STXBP2: variants seen among roughly 807,000 people sequenced by gnomAD.
STXBP2 encodes the protein syntaxin-binding protein 2.
In STXBP2, 47 loss-of-function variants were observed where a neutral mutation model predicts 72.2. That is an observed-to-expected ratio of 0.65 (90% CI 0.51 to 0.83). The LOEUF is 0.83. Among genes scored for constraint, STXBP2 ranks in the 40% least tolerant of loss-of-function variants. The pLI is 0.00. For missense variants in STXBP2, 702 were observed against 807.6 expected (o/e 0.87, Z 1.58); for synonymous variants, 367 against 338.7 (o/e 1.08, Z -0.92).
At chr19:7,646,949 A>C in intron 16 of STXBP2, 2 of 596,492 alleles carry the variant, frequency 3.4e-6, no homozygotes, top group East Asian at 2.8e-5. Flanking sequence ...GAGTTATGGA[A>C]TTAGATTCGT....
chr19:7,637,058 G>C, upstream of STXBP2: 2 of 1,210,796 alleles, frequency 1.7e-6, no homozygotes, highest in Middle Eastern at 3.2e-4. Flanking sequence ...CGGGGACAGG[G>C]CCCGCGGGGC....
chr19:7,646,061 C>T, intron 15 of STXBP2, 188 bp from the exon 16 acceptor site: 2 of 606,538 alleles, frequency 3.3e-6, no homozygotes, highest in Non-Finnish European at 5.9e-6. Flanking sequence ...CTTTCTCTCT[C>T]CGTCTCTCTC....
the STXBP2 span, chr19:7,629,810 G>GC: frequency 1.2e-5 from 18 of 1,536,830 alleles, no homozygotes; most frequent in Non-Finnish European, 1.5e-5. Context: ...GGCGGAACTG[G>GC]CTTTGTTGAC....
the STXBP2 span, chr19:7,631,580 C>T: frequency 6.6e-7 from 1 of 1,521,784 alleles, no homozygotes; most frequent in Non-Finnish European, 8.8e-7. Flanking sequence ...GAGTCCTAGC[C>T]CCTCCCCTGA....
chr19:7,635,359 A>G (rs991216060), upstream of STXBP2, among the ~76,000 whole-genome samples: 2 of 152,242 alleles, frequency 1.3e-5, no homozygotes, highest in Non-Finnish European at 2.9e-5. Flanking sequence ...TAGGTCAGCG[A>G]GTTGTATGGT....
chr19:7,647,619 G>C (rs1203010154), intron 18 of STXBP2, 106 bp from the exon 19 acceptor site: 7 of 1,599,000 alleles, frequency 4.4e-6, no homozygotes, highest in Non-Finnish European at 5.1e-6. Flanking sequence ...CAGGGACCTG[G>C]TTTGCTGAGG....
At chr19:7,632,628 C>T (rs1283091897), upstream of STXBP2, 29 of 1,579,948 alleles carry the variant, frequency 1.8e-5, no homozygotes, top group Admixed American at 1.6e-4. This position sits in a 1 kb window ranked among gnomAD's most constrained non-coding sequence, Gnocchi z 5.2. Flanking sequence ...TCCCACATCC[C>T]GTGCCCCCAG....
At position 7,643,292 on chromosome 19, in the gene STXBP2, G is replaced by A. The variant is rs375145707; in HGVS notation, c.1107+47G>A. On this transcript the variant is annotated intron_variant, in intron 13 of 18. Coordinates refer to ENST00000221283, the MANE Select transcript of STXBP2 (RefSeq NM_006949.4). The stretch of plus-strand genomic sequence containing the variant: ...GCAGGGGTGATGGTCCTGCCAAGGC[G>A]GGGTATTGGGGAGGGGCTGAACTGT... 7.5e-5 allele frequency: 120 copies of A among 1,590,716 alleles called. 1 individual carries two copies. The highest frequency in any genetic ancestry group is 9.0e-5 in the East Asian group (4 of 44,350).
At position 7,643,049 on chromosome 19, in the gene STXBP2, G is replaced by T; in HGVS notation, c.1026+1G>T. On this transcript the variant is annotated splice_donor_variant, in intron 12 of 18. Coordinates refer to ENST00000221283, the MANE Select transcript of STXBP2 (RefSeq NM_006949.4). LOFTEE classifies it high-confidence loss of function. ...GCAGTACCAGAAGGAGCTGAATAAG[G>T]TGTGCTCGGGTGGGCAGGGAGCGGG... 6.2e-7 allele frequency: 1 copy of T among 1,614,184 alleles called. No individual in the cohort carries two copies. Among genetic ancestry groups the T allele is most frequent in the Non-Finnish European group, 8.5e-7 (1 of 1,180,034 alleles).
chr19:7,631,772 G>A, the STXBP2 span: 3 of 1,419,058 alleles, frequency 2.1e-6, no homozygotes, highest in Non-Finnish European at 2.8e-6. Context: ...AGCAGGGGTT[G>A]GGGACTGAGG....
rs141337013 is a variant in STXBP2, at chr19:7,646,819, G to A, written c.1453-343G>A. ...GACTTCTGGGGCTCTGAGGGGCTGA[G>A]AGCCCAGACACTGGGTTCCCCAAAG... On this transcript the variant is annotated intron_variant, in intron 16 of 18. Transcript: ENST00000221283. 8.9e-5 allele frequency: 40 copies of A among 448,724 alleles called. No homozygotes were observed. In the East Asian group the frequency reaches 1.6e-3, roughly 18 times the overall value. The allele number at this position is 448,724 out of a possible 1,614,324, so 27.8% of individuals were successfully genotyped here. A position where few individuals can be genotyped will look rare whatever the true frequency, so the allele number is the denominator to read the frequency against.
rs765133484 is a variant in STXBP2, at chr19:7,643,175, A to C, written c.1037A>C (p.His346Pro). 2 of 1,613,826 alleles carry C rather than the reference A, an allele frequency of 1.2e-6. No individual in the cohort carries two copies. Among genetic ancestry groups the C allele is most frequent in the South Asian group, 1.1e-5 (1 of 91,054 alleles). Residue 346 changes from histidine (H) to proline (P), a missense_variant, in exon 13 of 19, where the codon CAC becomes CCC. Physicochemically the swap from His to Pro is moderately conservative, Grantham distance 77 (BLOSUM62 -2). Transcript: ENST00000221283. ...YQKELNKYSTHLHLADDCMKH... is the reference protein window; with the variant it reads ...YQKELNKYSTPLHLADDCMKH... ...CCCTGCACCCTGCAGTATTCTACGC[A>C]CCTGCATCTAGCAGATGATTGTATG... is the stretch of plus-strand genomic sequence containing the variant.
At chr19:7,638,641 G>A in intron 1 of STXBP2, 85 bp from the exon 2 acceptor site, 1 of 1,421,408 alleles carries the variant, frequency 7.0e-7, no homozygotes, top group Non-Finnish European at 9.9e-7. Context: ...TTAAGATGGG[G>A]GTTCAGCCCC....
At chr19:7,630,029 C>CT in the STXBP2 span, 1 of 771,290 alleles carries the variant, frequency 1.3e-6, no homozygotes, top group Non-Finnish European at 1.8e-6. Flanking sequence ...GGACGCTGGG[C>CT]TGGGGGGGTT....
chr19:7,645,831 C>T, intron 15 of STXBP2: 1 of 322,368 alleles, frequency 3.1e-6, no homozygotes. Context: ...CTCCATATCT[C>T]TCTCTCTCAC....
chr19:7,631,850 C>T, the STXBP2 span: 1 of 1,375,414 alleles, frequency 7.3e-7, no homozygotes, highest in Non-Finnish European at 9.4e-7. Flanking sequence ...GGCTCAAGGG[C>T]AGTGCCGGCC....
intron 6 of STXBP2, 64 bp from the exon 7 acceptor site, chr19:7,641,641 G>A (rs1599396793): frequency 1.6e-5 from 24 of 1,547,634 alleles, no homozygotes; most frequent in Admixed American, 2.0e-5. Flanking sequence ...TGGCGGCAGC[G>A]GGAAGCGGGG....
In STXBP2 at chr19:7,641,801, A is replaced by G. The variant is rs768883437; in HGVS notation, c.526A>G (p.Ile176Val). 1 of 1,551,586 alleles carries G rather than the reference A, an allele frequency of 6.4e-7. No individual in the cohort carries two copies. Among genetic ancestry groups the G allele is most frequent in the Non-Finnish European group, 8.7e-7 (1 of 1,147,680 alleles). ...GCAGCTCGAGGTGCTGGCCCAGCAGATTGCCACGCTGTGCGCCACCCTGCA... is the reference window on the plus strand; with the variant it reads ...GCAGCTCGAGGTGCTGGCCCAGCAGGTTGCCACGCTGTGCGCCACCCTGCA... ...TRQLEVLAQQ[I>V]ATLCATLQEY... The change falls in exon 7 of 19, where the codon ATT (isoleucine) becomes GTT (valine). Residue 176 changes from isoleucine to valine, a missense_variant. Coordinates refer to ENST00000221283, the MANE Select transcript of STXBP2 (RefSeq NM_006949.4).
intron 4 of STXBP2, chr19:7,640,500 C>G (rs943432802): frequency 2.4e-5 from 14 of 588,496 alleles, no homozygotes; most frequent in Non-Finnish European, 4.5e-5. Context: ...GTGTGTGCAT[C>G]TGTGTGTGTG....
Sources: allele counts gnomAD v4.1 joint callset (sites outside exome capture counted in the v4.1 genomes callset), GRCh38; gene constraint gnomAD v4.1.1; non-coding constraint Gnocchi (gnomAD v3.1); transcripts MANE v1.5; gene names NCBI Gene and HGNC (gene_info 2026-07-23, HGNC 2026-07-21).